GDAP1L1: variants seen among roughly 807,000 people sequenced by gnomAD.
The protein encoded by GDAP1L1 is ganglioside-induced differentiation-associated protein 1-like 1.
GDAP1L1 carries 21 observed loss-of-function variants against 37.1 expected under a neutral mutation model. The observed-to-expected ratio is 0.57, with a 90% confidence interval of 0.40 to 0.81. The LOEUF (loss-of-function observed/expected upper bound fraction) is 0.81, where lower values mean the gene tolerates loss of function less well. Ranked by LOEUF, GDAP1L1 falls within the 40% of genes least tolerant of loss-of-function variation. The probability of loss-of-function intolerance (pLI) is 0.00; values close to 1 mark genes in which losing one functional copy is unlikely to be tolerated. For synonymous variants in GDAP1L1, 193 were observed against 209.1 expected (o/e 0.92, Z 0.67); for missense variants, 362 against 491.6 (o/e 0.74, Z 2.49).
At chr20:44,255,491 G>A (rs1205559716) in intron 1 of GDAP1L1, among the ~76,000 whole-genome samples, 3 of 135,036 alleles carry the variant, frequency 2.2e-5, no homozygotes, top group Non-Finnish European at 3.1e-5. Context: ...GCAGTGAGCC[G>A]AGATCGCACC....
At chr20:44,247,794 T>TGGGGGGGGGGGGGGGGGGGG (rs915847917) in intron 1 of GDAP1L1, among the ~76,000 whole-genome samples, 9 of 98,744 alleles carry the variant, frequency 9.1e-5, no homozygotes, top group Admixed American at 4.6e-4. Flanking sequence ...CGGGGCGGGT[T>TGGGGGGGGGGGGGGGGGGGG]GGGGGGGCTG....
upstream of GDAP1L1, chr20:44,247,257 C>T (rs1037288472): frequency 1.4e-6 from 2 of 1,442,218 alleles, no homozygotes; most frequent in African/African-American, 1.4e-5. Context: ...GCAGGCTCGG[C>T]GAGGCCATGT....
At chr20:44,254,925 T>C (rs1394044579) in intron 1 of GDAP1L1, among the ~76,000 whole-genome samples, 1 of 152,106 alleles carries the variant, frequency 6.6e-6, no homozygotes, top group Non-Finnish European at 1.5e-5. Context: ...CTAGAACTCA[T>C]GTATTAACCT....
intron 4 of GDAP1L1, 112 bp downstream of exon 4, chr20:44,263,439 C>T: frequency 1.2e-6 from 1 of 831,808 alleles, no homozygotes; most frequent in South Asian, 1.5e-5. Flanking sequence ...GGAAAAGCCC[C>T]TGGCTTGCTT....
chr20:44,276,406 A>G (rs1180265843), intron 5 of GDAP1L1, among the ~76,000 whole-genome samples: 14 of 108,760 alleles, frequency 1.3e-4, no homozygotes, highest in African/African-American at 4.7e-4. Context: ...AGGGAAAGAA[A>G]AAAGAAAAAG....
intron 3 of GDAP1L1, among the ~76,000 whole-genome samples, chr20:44,261,473 C>T (rs1354034483): frequency 6.6e-6 from 1 of 152,168 alleles, no homozygotes; most frequent in African/African-American, 2.4e-5. Context: ...TCACTCATTT[C>T]ATTCATTCAT....
At chr20:44,268,787 T>A (rs1178430085) in intron 5 of GDAP1L1, among the ~76,000 whole-genome samples, 1 of 151,774 alleles carries the variant, frequency 6.6e-6, no homozygotes, top group African/African-American at 2.4e-5. Context: ...CTCGGGAAAG[T>A]GGTGGGAATG....
intron 3 of GDAP1L1, among the ~76,000 whole-genome samples, 165 bp downstream of exon 3, chr20:44,258,772 G>C (rs544902107): frequency 6.6e-6 from 1 of 151,834 alleles, no homozygotes; most frequent in Non-Finnish European, 1.5e-5. Context: ...CTGAGTGCTC[G>C]GGGTTGGTTT....
At chr20:44,247,584 G>C (rs1600520392) in intron 1 of GDAP1L1, 70 bp downstream of exon 1, 2 of 1,371,614 alleles carry the variant, frequency 1.5e-6, no homozygotes, top group East Asian at 2.6e-5. Flanking sequence ...CAGGGCTTGA[G>C]GGATCTGAGG....
intron 5 of GDAP1L1, among the ~76,000 whole-genome samples, chr20:44,276,466 A>AAGAAAGAAAGAG (rs1555801145): frequency 1.5e-5 from 2 of 136,986 alleles, no homozygotes; most frequent in Non-Finnish European, 3.2e-5. Flanking sequence ...GAAAGAAAGA[A>AAGAAAGAAAGAG]AAAGAAAGGC....
chr20:44,253,711 T>C (rs1168674596), intron 1 of GDAP1L1, among the ~76,000 whole-genome samples: 2 of 152,258 alleles, frequency 1.3e-5, no homozygotes, highest in Non-Finnish European at 2.9e-5. Context: ...CTGAATGCCC[T>C]TCCCTTAGGC....
rs555781255 is a variant in GDAP1L1 at position 44,263,340 on chromosome 20, C to A, written c.645+13C>A. 3.8e-6 allele frequency: 6 copies of A among 1,576,454 alleles called. No homozygotes were observed. The East Asian group carries it at 1.1e-4, about 29-fold the overall frequency. On this transcript the variant is annotated intron_variant, in intron 4 of 5. Coordinates refer to ENST00000342560, the MANE Select transcript of GDAP1L1 (RefSeq NM_024034.6). ...AAAGAAGCTCATGGTGAGTACCTCC[C>A]GGCCTGCTGAGTCCCCTTCCCTACG...
At chr20:44,258,160 T>C in intron 2 of GDAP1L1, 1 of 717,390 alleles carries the variant, frequency 1.4e-6, no homozygotes. Flanking sequence ...GGTTGCAGCT[T>C]CTCTTGAATC....
intron 5 of GDAP1L1, among the ~76,000 whole-genome samples, chr20:44,268,398 A>G (rs1242190251): frequency 6.6e-6 from 1 of 152,240 alleles, no homozygotes; most frequent in Admixed American, 6.5e-5. Context: ...AATCATTATT[A>G]CCATTCTCTT....
chr20:44,271,469 T>G (rs2062514883), intron 5 of GDAP1L1, among the ~76,000 whole-genome samples: 1 of 152,112 alleles, frequency 6.6e-6, no homozygotes, highest in Non-Finnish European at 1.5e-5. Flanking sequence ...AAGTGTGCCC[T>G]CGGCTTTCTA....
intron 5 of GDAP1L1, chr20:44,264,908 G>A (rs1312176734): frequency 1.6e-5 from 17 of 1,061,692 alleles, no homozygotes; most frequent in African/African-American, 1.7e-5. Context: ...AGGTGAAGAT[G>A]ATGTTAAGAG....
At chr20:44,261,167 G>T (rs1216818653) in intron 3 of GDAP1L1, among the ~76,000 whole-genome samples, 1 of 152,204 alleles carries the variant, frequency 6.6e-6, no homozygotes, top group Non-Finnish European at 1.5e-5. Context: ...GAGGAGGGAG[G>T]TCCCAGAGTG....
chr20:44,276,460 G>GAAAGAAAGAAAGA (rs371944330), intron 5 of GDAP1L1, among the ~76,000 whole-genome samples: 1 of 150,608 alleles, frequency 6.6e-6, no homozygotes, highest in Non-Finnish European at 1.5e-5. Flanking sequence ...AAGAAAGAAA[G>GAAAGAAAGAAAGA]AAAGAAAAAG....
chr20:44,270,075 G>A (rs1221364835), intron 5 of GDAP1L1, among the ~76,000 whole-genome samples: 4 of 152,082 alleles, frequency 2.6e-5, no homozygotes, highest in Non-Finnish European at 1.5e-5. Context: ...TCGAGGAAGA[G>A]AGCAGAGAGA....
Sources: allele counts gnomAD v4.1 joint callset (sites outside exome capture counted in the v4.1 genomes callset), GRCh38; gene constraint gnomAD v4.1.1; transcripts MANE v1.5; gene names NCBI Gene and HGNC (gene_info 2026-07-23, HGNC 2026-07-21).